LBHD2: variants seen among roughly 807,000 people sequenced by gnomAD.
The protein encoded by LBHD2 is LBH domain-containing protein 2.
At chr14:103,087,568 C>T (rs80062607) in intron 2 of LBHD2, among the ~76,000 whole-genome samples, 7 of 152,130 alleles carry the variant, frequency 4.6e-5, no homozygotes, top group East Asian at 1.9e-4. Context: ...ACGCAGCCCC[C>T]GCAGGCTCCT....
At chr14:103,085,333 C>T (rs1234733399) in intron 1 of LBHD2, among the ~76,000 whole-genome samples, 3 of 152,350 alleles carry the variant, frequency 2.0e-5, no homozygotes, top group East Asian at 1.9e-4. Flanking sequence ...ACGGCCCGAG[C>T]GCAGGTGAAG....
intron 2 of LBHD2, among the ~76,000 whole-genome samples, chr14:103,087,182 C>T (rs1008106986): frequency 5.3e-5 from 8 of 152,252 alleles, no homozygotes; most frequent in Admixed American, 3.9e-4. Context: ...CACCTGTTCT[C>T]ACACTTGAGG....
At position 103,089,637 on chromosome 14, in the gene LBHD2, G is replaced by C. The variant is rs556466321; in HGVS notation, c.227-60G>C. 5.7e-4 allele frequency: 227 copies of C among 398,528 alleles called. 2 individuals carry two copies. The East Asian group carries it at 8.0e-3, about 14-fold the overall frequency. 24.7% of individuals were successfully genotyped at this position (398,528 alleles called of 1,614,324 possible). A position where few individuals can be genotyped will look rare whatever the true frequency, so the allele number is the denominator to read the frequency against. On this transcript the variant is annotated intron_variant, in intron 3 of 3. Transcript: ENST00000634353. Reference sequence around the variant, plus strand: ...GCCAAACGCTCATTTCGGGCCCCTGGGATCCTCTCAGGCTGCACTCCCCCC... The same window carrying C: ...GCCAAACGCTCATTTCGGGCCCCTGCGATCCTCTCAGGCTGCACTCCCCCC...
chr14:103,085,819 C>A (rs965019752), intron 1 of LBHD2, among the ~76,000 whole-genome samples, 157 bp from the exon 2 acceptor site: 1 of 152,188 alleles, frequency 6.6e-6, no homozygotes, highest in Non-Finnish European at 1.5e-5. Context: ...CCTCTGGCGG[C>A]GGGCTCAGGC....
rs117990703 is a variant in LBHD2, at chr14:103,089,947, C to T, written c.*150C>T. 2.5e-6 allele frequency: 1 copy of T among 396,656 alleles called. No homozygotes were observed. Among genetic ancestry groups the T allele is most frequent in the East Asian group, 3.6e-5 (1 of 27,998 alleles). 24.6% of individuals were successfully genotyped at this position (396,656 alleles called of 1,614,324 possible). A position where few individuals can be genotyped will look rare whatever the true frequency, so the allele number is the denominator to read the frequency against. On this transcript the variant is annotated 3_prime_UTR_variant, in exon 4 of 4. Transcript: ENST00000634353. ...ACAGGGTCTGGACCGCAGCCCTGCCCTCTTCTGCCCATGGCCCAGGTCTGG... is the reference window on the plus strand; with the variant it reads ...ACAGGGTCTGGACCGCAGCCCTGCCTTCTTCTGCCCATGGCCCAGGTCTGG...
At chr14:103,089,180 A>T (rs1351804196) in intron 3 of LBHD2, among the ~76,000 whole-genome samples, 1 of 151,858 alleles carries the variant, frequency 6.6e-6, no homozygotes, top group Non-Finnish European at 1.5e-5. Flanking sequence ...TCCCCTGGAG[A>T]CCCCTGGGAG....
Position 103,084,578 on chromosome 14 carries a change from C to T in LBHD2, c.-38+231C>T, listed in dbSNP as rs571904294. On this transcript the variant is annotated intron_variant, in intron 1 of 3. Transcript: ENST00000634353. ...TGCCCCGGCTGGCACTGGACCCTGG[C>T]GCCGGGCAGGGCAAGGCAGCCCTTG... 4.6e-5 allele frequency among the ~76,000 whole-genome samples: 7 copies of T among 152,260 alleles called. No individual in the cohort carries two copies. The South Asian group carries it at 1.2e-3, about 27-fold the overall frequency.
At position 103,088,223 on chromosome 14, in the gene LBHD2, C is replaced by T. The variant is rs1365709163; in HGVS notation, c.208C>T (p.Gln70Ter). 2 of 398,834 alleles carry T rather than the reference C, an allele frequency of 5.0e-6. No homozygotes were observed. The highest frequency in any genetic ancestry group is 8.8e-6 in the Non-Finnish European group (2 of 226,232). The allele number at this position is 398,834 out of a possible 1,614,324, so 24.7% of individuals were successfully genotyped here. A position where few individuals can be genotyped will look rare whatever the true frequency, so the allele number is the denominator to read the frequency against. Residue 70 changes from glutamine (Q) to a stop codon, truncating the protein, a stop_gained, in exon 3 of 4, where the codon CAG (glutamine) becomes TAG (stop). Transcript: ENST00000634353. LOFTEE classifies it low-confidence loss of function (END_TRUNC). ...GGAGAGTGCCCAGAGGGGCCCCTCT[C>T]AGAGCCGGGCTGCTGCTGGTAAGTG... ...PLESAQRGPSQSRAAAAPSPS... is the reference protein window; with the variant it reads ...PLESAQRGPS
Position 103,086,488 on chromosome 14 carries a change from G to A in LBHD2, c.69+407G>A, listed in dbSNP as rs182186809. On this transcript the variant is annotated intron_variant, in intron 2 of 3. Transcript: ENST00000634353. Reference sequence around the variant, plus strand: ...GGCCTCCCAAAGTGCTGGGATTACAGGCGTGAGCCACTGTGCCCGGCTTGT... The same window carrying A: ...GGCCTCCCAAAGTGCTGGGATTACAAGCGTGAGCCACTGTGCCCGGCTTGT... Among the ~76,000 whole-genome samples the A allele has an allele frequency of 8.5e-4, 129 of 152,324 alleles. No homozygotes were observed. In the South Asian group the frequency reaches 0.01, roughly 12 times the overall value.
intron 3 of LBHD2, among the ~76,000 whole-genome samples, chr14:103,088,908 C>T (rs562553190): frequency 3.3e-5 from 5 of 152,322 alleles, no homozygotes; most frequent in South Asian, 4.1e-4. Flanking sequence ...GCAGGAGAAT[C>T]GCTTGAACCC....
At chr14:103,087,426 C>T (rs997749628) in intron 2 of LBHD2, among the ~76,000 whole-genome samples, 2 of 152,166 alleles carry the variant, frequency 1.3e-5, no homozygotes, top group Non-Finnish European at 2.9e-5. Context: ...CGAGCACAGG[C>T]GTGGGGGTGG....
In LBHD2 at chr14:103,086,037, C is replaced by A; in HGVS notation, c.25C>A (p.Pro9Thr). ...CATGAGCACCCCCCGGCCTGCTCCA[C>A]CACAGCCAGGCGCTGCTGAGGGGGC... Reference protein sequence around the residue: MSTPRPAPPQPGAAEGAGG... With the variant: MSTPRPAPTQPGAAEGAGG... The change falls in exon 2 of 4, where the codon CCA (proline) becomes ACA (threonine). Residue 9 changes from proline to threonine, a missense_variant. Coordinates refer to ENST00000634353, the MANE Select transcript of LBHD2 (RefSeq NM_001330236.2). 2.5e-6 allele frequency: 1 copy of A among 398,692 alleles called. No individual in the cohort carries two copies. The highest frequency in any genetic ancestry group is 4.4e-6 in the Non-Finnish European group (1 of 226,126). 24.7% of individuals were successfully genotyped at this position (398,692 alleles called of 1,614,324 possible). A position where few individuals can be genotyped will look rare whatever the true frequency, so the allele number is the denominator to read the frequency against.
At chr14:103,087,198 A>G (rs1889646558) in intron 2 of LBHD2, among the ~76,000 whole-genome samples, 1 of 152,258 alleles carries the variant, frequency 6.6e-6, no homozygotes, top group Non-Finnish European at 1.5e-5. Flanking sequence ...TGAGGGTCAC[A>G]TATGGTCCGT....
At chr14:103,087,659 G>A (rs1889653152) in intron 2 of LBHD2, among the ~76,000 whole-genome samples, 1 of 152,220 alleles carries the variant, frequency 6.6e-6, no homozygotes, top group Non-Finnish European at 1.5e-5. Flanking sequence ...CAGCTCCTCT[G>A]AGCCTGGAGG....
chr14:103,088,204 T>A lies in LBHD2; in HGVS notation c.189T>A (p.Ser63Arg), dbSNP rs934096736. Residue 63 changes from serine (S) to arginine (R), a missense_variant, in exon 3 of 4, where the codon AGT (serine) becomes AGA (arginine). Transcript: ENST00000634353. ...GGGAGCTGCGCTGGCCCCTGGAGAG[T>A]GCCCAGAGGGGCCCCTCTCAGAGCC... ...ESGELRWPLE[S>R]AQRGPSQSRA... 5.0e-6 allele frequency: 2 copies of A among 398,280 alleles called. No homozygotes were observed. The highest frequency in any genetic ancestry group is 8.8e-5 in the Admixed American group (2 of 22,698). The allele number at this position is 398,280 out of a possible 1,614,324, so 24.7% of individuals were successfully genotyped here. A position where few individuals can be genotyped will look rare whatever the true frequency, so the allele number is the denominator to read the frequency against.
At position 103,089,764 on chromosome 14, in the gene LBHD2, C is replaced by T. The variant is rs1889687226; in HGVS notation, c.294C>T (p.Cys98=). The T allele has an allele frequency of 1.0e-5, 4 of 398,596 alleles. No individual in the cohort carries two copies. The highest frequency in any genetic ancestry group is 1.8e-5 in the Non-Finnish European group (4 of 226,122). The allele number at this position is 398,596 out of a possible 1,614,324, so 24.7% of individuals were successfully genotyped here. A position where few individuals can be genotyped will look rare whatever the true frequency, so the allele number is the denominator to read the frequency against. ...ATAACGCTGGCAGCGAGTGTGCCTG[C>T]TCCGAGGACCCAGCAGCCCCGGCCC... ...AADNAGSECA[C]SEDPAAPARG Residue 98 remains cysteine, a synonymous_variant, in exon 4 of 4, where the codon TGC becomes TGT. Coordinates refer to ENST00000634353, the MANE Select transcript of LBHD2 (RefSeq NM_001330236.2).
At chr14:103,087,568 C>G (rs80062607) in intron 2 of LBHD2, among the ~76,000 whole-genome samples, 3,267 of 152,240 alleles carry the variant, frequency 0.021, 131 homozygotes, top group African/African-American at 0.076. Flanking sequence ...ACGCAGCCCC[C>G]GCAGGCTCCT....
chr14:103,087,285 C>T (rs1203315620), intron 2 of LBHD2, among the ~76,000 whole-genome samples: 1 of 152,240 alleles, frequency 6.6e-6, no homozygotes, highest in Non-Finnish European at 1.5e-5. Context: ...GAGGGCCATT[C>T]AGCTAAGTCC....
intron 2 of LBHD2, among the ~76,000 whole-genome samples, chr14:103,087,044 C>A (rs1889644109): frequency 6.6e-6 from 1 of 152,216 alleles, no homozygotes; most frequent in Admixed American, 6.5e-5. Flanking sequence ...GGGGGATGAG[C>A]CCCCCTGGCT....
Sources: allele counts gnomAD v4.1 joint callset (sites outside exome capture counted in the v4.1 genomes callset), GRCh38; gene constraint gnomAD v4.1.1; transcripts MANE v1.5; gene names NCBI Gene and HGNC (gene_info 2026-07-23, HGNC 2026-07-21).